ACSM5: variants seen among roughly 807,000 people sequenced by gnomAD.
ACSM5 encodes acyl-CoA synthetase medium chain family member 5, also known as acyl-coenzyme A synthetase ACSM5, mitochondrial.
A neutral mutation model predicts 71.6 loss-of-function variants in ACSM5; 56 were observed. The observed-to-expected ratio is 0.78, with a 90% CI of 0.63 to 0.98. The LOEUF is 0.98. Ranked by LOEUF, ACSM5 falls within the 50% of genes least tolerant of loss-of-function variation. The pLI, the probability that ACSM5 is intolerant of heterozygous loss-of-function variation, is 0.00. For synonymous variants in ACSM5, 285 were observed against 281.5 expected (o/e 1.01, Z -0.12); for missense variants, 723 against 726.0 (o/e 1.00, Z 0.05).
chr16:20,436,278 C>A (rs1003383658), intron 10 of ACSM5, among the ~76,000 whole-genome samples: 5 of 147,706 alleles, frequency 3.4e-5, no homozygotes, highest in Non-Finnish European at 7.5e-5. Flanking sequence ...CTCCCCTCCC[C>A]TTCCTTTCCT....
At position 20,421,375 on chromosome 16, in the gene ACSM5, C is replaced by T. The variant is rs567922206; in HGVS notation, c.741C>T (p.Tyr247=). Residue 247 remains tyrosine (Y), a synonymous_variant, in exon 5 of 14, where the codon TAC becomes TAT. Coordinates refer to ENST00000331849, the MANE Select transcript of ACSM5 (RefSeq NM_017888.3). The part of the protein sequence containing the change: ...PKMVEHSQSS[Y]GLGFVASGRR... ...TGGTCGAGCACTCCCAGAGCAGCTACGGACTGGGTTTTGTGGCCAGCGGAA... is the reference window on the plus strand; with the variant it reads ...TGGTCGAGCACTCCCAGAGCAGCTATGGACTGGGTTTTGTGGCCAGCGGAA... 8.7e-6 allele frequency: 14 copies of T among 1,601,176 alleles called. No individual in the cohort carries two copies. Among genetic ancestry groups the T allele is most frequent in the African/African-American group, 2.7e-5 (2 of 74,298 alleles).
chr16:20,428,657 G>A (rs1967036064), intron 7 of ACSM5, among the ~76,000 whole-genome samples: 1 of 152,160 alleles, frequency 6.6e-6, no homozygotes, highest in Admixed American at 6.5e-5. Flanking sequence ...TTCTAAAAGT[G>A]AATTCTTCTC....
chr16:20,427,218 T>A (rs1367996359), intron 6 of ACSM5, among the ~76,000 whole-genome samples: 3 of 152,038 alleles, frequency 2.0e-5, no homozygotes, highest in Non-Finnish European at 4.4e-5. Context: ...GAGAATTGCT[T>A]GAACCCGGGA....
chr16:20,411,950 C>A (rs1966848630), intron 2 of ACSM5: 4 of 470,644 alleles, frequency 8.5e-6, no homozygotes, highest in Admixed American at 6.9e-5. Context: ...TATGTCCCTT[C>A]CGATTCCCTT....
intron 2 of ACSM5, among the ~76,000 whole-genome samples, chr16:20,417,632 T>C (rs1489131101): frequency 6.6e-6 from 1 of 152,228 alleles, no homozygotes; most frequent in Non-Finnish European, 1.5e-5. Flanking sequence ...AGAATGGTGA[T>C]GGTTACACAA....
chr16:20,441,218 GA>G lies in ACSM5; in HGVS notation c.*792del, dbSNP rs1567350714. ...CTCCTGGAGATTGAGGAGGGAGGGA[GA>G]GAAAATAATGGATGGTAGTTTTTCT... On this transcript the variant is annotated 3_prime_UTR_variant, in exon 14 of 14. Coordinates refer to ENST00000331849, the MANE Select transcript of ACSM5 (RefSeq NM_017888.3). 1 of 152,194 alleles carries G rather than the reference GA, an allele frequency of 6.6e-6. No homozygotes were observed. Among genetic ancestry groups the G allele is most frequent in the Non-Finnish European group, 1.5e-5 (1 of 68,038 alleles). The allele number at this position is 152,194 out of a possible 1,614,324, so 9.4% of individuals were successfully genotyped here. A position where few individuals can be genotyped will look rare whatever the true frequency, so the allele number is the denominator to read the frequency against.
intron 10 of ACSM5, among the ~76,000 whole-genome samples, chr16:20,433,210 A>G (rs566853311): frequency 6.6e-6 from 1 of 152,318 alleles, no homozygotes; most frequent in African/African-American, 2.4e-5. Context: ...CGTGAGAATC[A>G]GGAAACATGT....
chr16:20,437,880 T>C (rs1464244089), intron 12 of ACSM5, among the ~76,000 whole-genome samples: 2 of 151,538 alleles, frequency 1.3e-5, no homozygotes, highest in Non-Finnish European at 2.9e-5. Flanking sequence ...TGAAGTGCAG[T>C]GGCATGATCT....
At chr16:20,431,122 A>G (rs1967088684) in intron 9 of ACSM5, 49 bp downstream of exon 9, 1 of 1,603,908 alleles carries the variant, frequency 6.2e-7, no homozygotes, top group Non-Finnish European at 8.5e-7. Context: ...GAGAGGAGAA[A>G]GACACACAGG....
chr16:20,438,238 C>T (rs1350411611), intron 12 of ACSM5, among the ~76,000 whole-genome samples: 1 of 152,000 alleles, frequency 6.6e-6, no homozygotes, highest in Admixed American at 6.6e-5. Flanking sequence ...TCCTAAAGCA[C>T]AACAGTTACC....
At position 20,440,296 on chromosome 16, in the gene ACSM5, G is replaced by C. The variant is rs748453152; in HGVS notation, c.1657-48G>C. On this transcript the variant is annotated intron_variant, in intron 13 of 13. Coordinates refer to ENST00000331849, the MANE Select transcript of ACSM5 (RefSeq NM_017888.3). ...TCTCTTTCAAAACAAAAGTCTTTTT[G>C]AGAAATGATGATTTCCAAGTGTTTT... is the stretch of plus-strand genomic sequence containing the variant. 34 of 1,248,922 alleles carry C rather than the reference G, an allele frequency of 2.7e-5. 2 individuals are homozygous for C. Among genetic ancestry groups the C allele is most frequent in the Admixed American group, 5.2e-5 (3 of 57,742 alleles). 77.4% of individuals were successfully genotyped at this position (1,248,922 alleles called of 1,614,324 possible).
chr16:20,410,795 C>A (rs1966846232), intron 1 of ACSM5, among the ~76,000 whole-genome samples: 1 of 151,436 alleles, frequency 6.6e-6, no homozygotes, highest in Non-Finnish European at 1.5e-5. Flanking sequence ...CACTAAAAGC[C>A]CATCATGCCA....
rs762842112 is a variant in ACSM5 at position 20,418,319 on chromosome 16, A to G, written c.415+50A>G. On this transcript the variant is annotated intron_variant, in intron 3 of 13. Coordinates refer to ENST00000331849, the MANE Select transcript of ACSM5 (RefSeq NM_017888.3). ...TAGTTGGGGGCAGACACAACTTGCC[A>G]GAGCTTTGCAGTGTCCACAGGGTCT... is the stretch of plus-strand genomic sequence containing the variant. The G allele has an allele frequency of 1.9e-6, 3 of 1,540,106 alleles. No homozygotes were observed. The Admixed American group carries it at 5.6e-5, about 29-fold the overall frequency.
intron 12 of ACSM5, 99 bp from the exon 13 acceptor site, chr16:20,439,701 G>T: frequency 1.5e-6 from 2 of 1,340,856 alleles, no homozygotes; most frequent in Non-Finnish European, 2.1e-6. Context: ...AACTTTCATG[G>T]TGCAAAGGTA....
intron 5 of ACSM5, among the ~76,000 whole-genome samples, chr16:20,422,957 T>C (rs540383871): frequency 6.6e-6 from 1 of 152,268 alleles, no homozygotes; most frequent in East Asian, 1.9e-4. Context: ...AAACAGTTTG[T>C]TTATGGAGTT....
chr16:20,428,264 G>C (rs1347769137), intron 7 of ACSM5, among the ~76,000 whole-genome samples: 1 of 152,204 alleles, frequency 6.6e-6, no homozygotes, highest in East Asian at 1.9e-4. Context: ...AAAATTGTTA[G>C]CCACCTGTGG....
chr16:20,413,979 G>A (rs113643140), intron 2 of ACSM5, among the ~76,000 whole-genome samples: 6,742 of 152,156 alleles, frequency 0.044, 160 homozygotes, highest in South Asian at 0.059. Context: ...CACAGAAATG[G>A]TTCACAAAAA....
chr16:20,413,730 A>C (rs1174585556), intron 2 of ACSM5, among the ~76,000 whole-genome samples: 1 of 152,206 alleles, frequency 6.6e-6, no homozygotes, highest in African/African-American at 2.4e-5. Context: ...AAAAGATCTG[A>C]GGAAACTCTA....
At chr16:20,432,124 G>A (rs34923871) in intron 10 of ACSM5, among the ~76,000 whole-genome samples, 1 of 151,902 alleles carries the variant, frequency 6.6e-6, no homozygotes, top group Non-Finnish European at 1.5e-5. Flanking sequence ...TTCATCTTGG[G>A]TGGTGTTTAT....
Sources: gnomAD v4.1 joint callset for allele counts (sites outside exome capture counted in the v4.1 genomes callset) on GRCh38, gnomAD v4.1.1 for gene constraint, MANE v1.5 for transcripts, NCBI Gene and HGNC (gene_info 2026-07-23, HGNC 2026-07-21) for gene names.